Variants in DNAH6 observed in about 807,000 individuals in gnomAD.
The protein encoded by DNAH6 is axonemal beta dynein heavy chain 6.
DNAH6 carries 340 observed loss-of-function variants against 491.4 expected under a neutral mutation model. The ratio of observed to expected loss-of-function variants is 0.69; its 90% confidence interval spans 0.63 to 0.76. DNAH6 has a LOEUF of 0.76. DNAH6 is among the 30% of genes least tolerant of loss of function. The probability of loss-of-function intolerance (pLI) is 0.00; values close to 1 mark genes in which losing one functional copy is unlikely to be tolerated. For missense variants in DNAH6, 4,443 were observed against 4,972.2 expected, an observed-to-expected ratio of 0.89 and a Z score of 3.20; for synonymous variants, 1,603 against 1,686.1, an observed-to-expected ratio of 0.95 and a Z score of 1.21.
At chr2:84,592,904 G>GA (rs1179165054) in intron 16 of DNAH6, among the ~76,000 whole-genome samples, 1 of 152,094 alleles carries the variant, frequency 6.6e-6, no homozygotes, top group African/African-American at 2.4e-5. Context: ...GCAGAAAGTG[G>GA]AATGGTGGTT....
intron 45 of DNAH6, among the ~76,000 whole-genome samples, chr2:84,692,480 G>A (rs1332691057): frequency 7.6e-6 from 1 of 131,920 alleles, no homozygotes; most frequent in Non-Finnish European, 1.6e-5. Flanking sequence ...TAGATAGATA[G>A]ATAAATTTCC....
At position 84,699,752 on chromosome 2, in the gene DNAH6, A is replaced by C; in HGVS notation, c.7818+18A>C. Reference sequence around the variant, plus strand: ...TTGTGCAGGTTGGTGACATCCCAGGATATCTCTTTGAGAAGTTGGACTTGC... The same window carrying C: ...TTGTGCAGGTTGGTGACATCCCAGGCTATCTCTTTGAGAAGTTGGACTTGC... On this transcript the variant is annotated intron_variant, in intron 48 of 76. Transcript: ENST00000389394. 1 of 1,548,042 alleles carries C rather than the reference A, an allele frequency of 6.5e-7. No homozygotes were observed. Among genetic ancestry groups the C allele is most frequent in the Non-Finnish European group, 8.7e-7 (1 of 1,145,136 alleles).
chr2:84,719,626 T>A (rs1288660054), intron 59 of DNAH6, among the ~76,000 whole-genome samples: 2 of 151,974 alleles, frequency 1.3e-5, no homozygotes, highest in Non-Finnish European at 2.9e-5. Flanking sequence ...TCCTCCTCCC[T>A]CAGCCCCCTG....
intron 58 of DNAH6, among the ~76,000 whole-genome samples, 182 bp downstream of exon 58, chr2:84,715,809 G>A (rs543357824): frequency 6.6e-6 from 1 of 152,230 alleles, no homozygotes; most frequent in South Asian, 2.1e-4. Flanking sequence ...GTTCAGAGCA[G>A]CTGATCTTGT....
At chr2:84,714,542 G>T (rs1697343873) in intron 57 of DNAH6, among the ~76,000 whole-genome samples, 1 of 152,074 alleles carries the variant, frequency 6.6e-6, no homozygotes, top group South Asian at 2.1e-4. Context: ...GTATATAATA[G>T]TGCAACAGGG....
chr2:84,696,884 C>T (rs1210738375), intron 46 of DNAH6, among the ~76,000 whole-genome samples: 1 of 152,134 alleles, frequency 6.6e-6, no homozygotes, highest in Non-Finnish European at 1.5e-5. Context: ...AAAGTTTAGA[C>T]TGACTTTTTA....
At chr2:84,805,944 A>C in intron 71 of DNAH6, 150 bp downstream of exon 71, 1 of 659,238 alleles carries the variant, frequency 1.5e-6, no homozygotes, top group Non-Finnish European at 2.4e-6. Context: ...TCATTTATAG[A>C]CTAGAAGCTT....
At position 84,794,271 on chromosome 2, in the gene DNAH6, G is replaced by A. The variant is rs577851635; in HGVS notation, c.11240-2035G>A. Among the ~76,000 whole-genome samples, 18 of 152,188 alleles carry A rather than the reference G, an allele frequency of 1.2e-4. No homozygotes were observed. The East Asian group carries it at 2.9e-3, about 25-fold the overall frequency. On this transcript the variant is annotated intron_variant, in intron 68 of 76. Transcript: ENST00000389394. ...CCATTCAGGACATAGGCATGGGCAA[G>A]GACTTCATGTCTAAAACACCAAAAG...
At chr2:84,785,994 G>A (rs1212782981) in intron 67 of DNAH6, among the ~76,000 whole-genome samples, 1 of 152,186 alleles carries the variant, frequency 6.6e-6, no homozygotes, top group Non-Finnish European at 1.5e-5. Context: ...GATGAATGCA[G>A]TAGGTTCAAT....
At chr2:84,594,934 G>T (rs753586816) in intron 17 of DNAH6, among the ~76,000 whole-genome samples, 1 of 152,148 alleles carries the variant, frequency 6.6e-6, no homozygotes. Context: ...AGTTTTAAGT[G>T]CTCTCCTTTA....
intron 64 of DNAH6, among the ~76,000 whole-genome samples, chr2:84,769,219 G>A (rs34932812): frequency 0.013 from 1,958 of 152,278 alleles, 23 homozygotes; most frequent in Non-Finnish European, 0.021. Flanking sequence ...CAGCCAGAGC[G>A]GGCAACCAAG....
intron 26 of DNAH6, among the ~76,000 whole-genome samples, chr2:84,622,775 C>G (rs1687518020): frequency 6.6e-6 from 1 of 152,046 alleles, no homozygotes; most frequent in South Asian, 2.1e-4. Flanking sequence ...ATGCCTGTAC[C>G]ATGTTTATAT....
intron 4 of DNAH6, among the ~76,000 whole-genome samples, chr2:84,532,019 GA>G (rs922363343): frequency 1.3e-4 from 19 of 151,890 alleles, no homozygotes; most frequent in African/African-American, 4.6e-4. Context: ...TTCTCTTCAG[GA>G]AAAAAATAAT....
At chr2:84,704,440 G>A in intron 51 of DNAH6, 138 bp downstream of exon 51, 1 of 679,590 alleles carries the variant, frequency 1.5e-6, no homozygotes, top group East Asian at 2.7e-5. Context: ...TTGATTCAAG[G>A]AGCATTTTCT....
the DNAH6 span, among the ~76,000 whole-genome samples, chr2:84,496,317 C>T: frequency 6.6e-6 from 1 of 152,106 alleles, no homozygotes; most frequent in Admixed American, 6.5e-5. Context: ...TATTTTTAAA[C>T]ACACAGAATA....
At chr2:84,635,200 T>G (rs1249842280) in intron 30 of DNAH6, among the ~76,000 whole-genome samples, 1 of 152,170 alleles carries the variant, frequency 6.6e-6, no homozygotes, top group Non-Finnish European at 1.5e-5. Context: ...TGTTAAATAT[T>G]TTGATTATCG....
intron 42 of DNAH6, among the ~76,000 whole-genome samples, chr2:84,683,330 A>T (rs1693969047): frequency 6.6e-6 from 1 of 151,600 alleles, no homozygotes; most frequent in Non-Finnish European, 1.5e-5. Flanking sequence ...TTTTGTATAC[A>T]AGGACACTAA....
chr2:84,688,640 T>G (rs1175578855), intron 45 of DNAH6, 47 bp downstream of exon 45: 3 of 1,444,446 alleles, frequency 2.1e-6, no homozygotes, highest in East Asian at 5.4e-5. Context: ...TAATATTTTT[T>G]GTATTAAAGG....
intron 49 of DNAH6, among the ~76,000 whole-genome samples, chr2:84,702,853 C>A (rs931199994): frequency 6.6e-6 from 1 of 152,108 alleles, no homozygotes; most frequent in Non-Finnish European, 1.5e-5. Flanking sequence ...AGCTTTCTGA[C>A]TCACCTTCGA....
Sources: gnomAD v4.1 joint callset for allele counts (sites outside exome capture counted in the v4.1 genomes callset) on GRCh38, gnomAD v4.1.1 for gene constraint, MANE v1.5 for transcripts, NCBI Gene and HGNC (gene_info 2026-07-23, HGNC 2026-07-21) for gene names.